The following FAM171B variants were observed in gnomAD, a reference collection of about 807,000 sequenced individuals.
FAM171B encodes protein FAM171B.
FAM171B carries 19 observed loss-of-function variants against 75.6 expected under a neutral mutation model. That is an observed-to-expected ratio of 0.25 (90% CI 0.18 to 0.37). The LOEUF is 0.37. Among genes scored for constraint, FAM171B ranks in the 10% least tolerant of loss-of-function variants. The probability of loss-of-function intolerance (pLI) is 1.00; values close to 1 mark genes in which losing one functional copy is unlikely to be tolerated. For synonymous variants in FAM171B, 367 were observed against 361.7 expected (o/e 1.01, Z -0.17); for missense variants, 848 against 982.4 (o/e 0.86, Z 1.83).
intron 1 of FAM171B, among the ~76,000 whole-genome samples, chr2:186,725,760 CATGAAGT>C (rs1161844757): frequency 8.5e-5 from 13 of 152,198 alleles, no homozygotes; most frequent in African/African-American, 3.1e-4. Context: ...AGTGCCATCA[CATGAAGT>C]ATCCTTAATA....
chr2:186,719,158 T>G (rs1689915585), intron 1 of FAM171B, among the ~76,000 whole-genome samples: 1 of 152,220 alleles, frequency 6.6e-6, no homozygotes, highest in Non-Finnish European at 1.5e-5. Context: ...CATCTAATTC[T>G]GTTTAAATCT....
chr2:186,695,315 A>G (rs915435372), intron 1 of FAM171B: 1 of 152,062 alleles, frequency 6.6e-6, no homozygotes, highest in Non-Finnish European at 1.5e-5. Flanking sequence ...ATCCATGTAT[A>G]TTGCATCTCC....
At chr2:186,753,639 A>C (rs2105790781) in intron 5 of FAM171B, among the ~76,000 whole-genome samples, 1 of 152,160 alleles carries the variant, frequency 6.6e-6, no homozygotes, top group East Asian at 1.9e-4. Context: ...GGTCTTGAAC[A>C]CCTGATCTTG....
At chr2:186,737,342 A>C (rs1046750932) in intron 1 of FAM171B, among the ~76,000 whole-genome samples, 1 of 152,166 alleles carries the variant, frequency 6.6e-6, no homozygotes, top group Non-Finnish European at 1.5e-5. Context: ...TTTCCTCAAC[A>C]TATGTTAGTT....
At chr2:186,755,347 G>C (rs1690517726) in intron 6 of FAM171B, among the ~76,000 whole-genome samples, 1 of 152,038 alleles carries the variant, frequency 6.6e-6, no homozygotes, top group Admixed American at 6.6e-5. Flanking sequence ...TGTTTTTACA[G>C]AATAAAAACA....
At chr2:186,744,470 G>A (rs1235670334) in intron 3 of FAM171B, among the ~76,000 whole-genome samples, 3 of 152,164 alleles carry the variant, frequency 2.0e-5, no homozygotes, top group Admixed American at 6.5e-5. Context: ...ACTGAGTGAG[G>A]CTGTAGAATC....
In FAM171B at chr2:186,751,322, A is replaced by C; in HGVS notation, c.895+18A>C. On this transcript the variant is annotated intron_variant, in intron 5 of 7. Transcript: ENST00000304698. ...GAACACAGGTATGTGAGCTAGGTTAAAATAGTCTGAATATTTTACATATTT... is the reference window on the plus strand; with the variant it reads ...GAACACAGGTATGTGAGCTAGGTTACAATAGTCTGAATATTTTACATATTT... 6.6e-7 allele frequency: 1 copy of C among 1,507,468 alleles called. No homozygotes were observed. 93.4% of individuals were successfully genotyped at this position (1,507,468 alleles called of 1,614,324 possible).
chr2:186,720,700 C>CAAAAAAAAAAAAAAA (rs71411184), intron 1 of FAM171B, among the ~76,000 whole-genome samples: 1 of 110,242 alleles, frequency 9.1e-6, no homozygotes, highest in Non-Finnish European at 1.8e-5. Context: ...AGATCATGTA[C>CAAAAAAAAAAAAAAA]AAAAAAAAAA....
chr2:186,740,472 A>C lies in FAM171B; in HGVS notation c.472+11A>C. 1 of 1,592,390 alleles carries C rather than the reference A, an allele frequency of 6.3e-7. No homozygotes were observed. Among genetic ancestry groups the C allele is most frequent in the South Asian group, 1.1e-5 (1 of 88,050 alleles). ...CCAGAAGAATGCCAAGTAAGCACTT[A>C]AACAGTTTTTTTTTGTTTGTTTTTG... is the stretch of plus-strand genomic sequence containing the variant. On this transcript the variant is annotated intron_variant, in intron 2 of 7. Transcript: ENST00000304698.
At chr2:186,747,917 G>C (rs948382527) in intron 4 of FAM171B, among the ~76,000 whole-genome samples, 2 of 151,848 alleles carry the variant, frequency 1.3e-5, no homozygotes, top group Non-Finnish European at 2.9e-5. Context: ...ATCCACACTT[G>C]TTCCACCATT....
At chr2:186,758,420 C>A (rs925419969) in intron 6 of FAM171B, among the ~76,000 whole-genome samples, 2 of 151,970 alleles carry the variant, frequency 1.3e-5, no homozygotes, top group African/African-American at 4.8e-5. Flanking sequence ...ACTGGTGGTC[C>A]CTCAATTTCT....
At chr2:186,725,409 T>C (rs1487949191) in intron 1 of FAM171B, among the ~76,000 whole-genome samples, 1 of 151,926 alleles carries the variant, frequency 6.6e-6, no homozygotes, top group Non-Finnish European at 1.5e-5. Context: ...AACATGACCC[T>C]GATCTTAGGT....
chr2:186,749,613 G>C (rs1690420714), intron 4 of FAM171B, among the ~76,000 whole-genome samples: 1 of 152,128 alleles, frequency 6.6e-6, no homozygotes. Flanking sequence ...TGGCCTGTTT[G>C]ACGGCTGAAG....
At chr2:186,754,109 T>G in intron 6 of FAM171B, 60 bp downstream of exon 6, 1 of 1,286,328 alleles carries the variant, frequency 7.8e-7, no homozygotes, top group South Asian at 1.4e-5. Context: ...CTGGAACGGA[T>G]AGCAGCAGAC....
chr2:186,732,895 T>A (rs1308779859), intron 1 of FAM171B, among the ~76,000 whole-genome samples: 1 of 152,210 alleles, frequency 6.6e-6, no homozygotes, highest in Non-Finnish European at 1.5e-5. Flanking sequence ...ACTCCTGAGA[T>A]CTCATCAGGA....
At position 186,732,615 on chromosome 2, in the gene FAM171B, C is replaced by T. The variant is rs547858265; in HGVS notation, c.239-7613C>T. 6.6e-5 allele frequency among the ~76,000 whole-genome samples: 10 copies of T among 152,286 alleles called. No homozygotes were observed. In the South Asian group the frequency reaches 1.4e-3, roughly 22 times the overall value. On this transcript the variant is annotated intron_variant, in intron 1 of 7. Transcript: ENST00000304698. ...GCAGGCAACTTGAGATTCAAATGCA[C>T]GGTTTGATTTTTGACTTGGGGTCTT...
intron 6 of FAM171B, among the ~76,000 whole-genome samples, chr2:186,759,515 G>A (rs916792788): frequency 3.9e-5 from 6 of 152,090 alleles, no homozygotes; most frequent in Non-Finnish European, 8.8e-5. Context: ...ATTATTGACT[G>A]TCTTTTGGAT....
chr2:186,734,829 G>T (rs952175627), intron 1 of FAM171B, among the ~76,000 whole-genome samples: 2 of 152,240 alleles, frequency 1.3e-5, no homozygotes. Context: ...CTAGGCGACA[G>T]GGGGCTGGCC....
intron 1 of FAM171B, among the ~76,000 whole-genome samples, chr2:186,725,044 T>C (rs1690009831): frequency 6.6e-6 from 1 of 152,208 alleles, no homozygotes; most frequent in African/African-American, 2.4e-5. Flanking sequence ...CCTCAGTTTT[T>C]AAGAATTTTT....
Sources: allele counts gnomAD v4.1 joint callset (sites outside exome capture counted in the v4.1 genomes callset), GRCh38; gene constraint gnomAD v4.1.1; transcripts MANE v1.5; gene names NCBI Gene and HGNC (gene_info 2026-07-23, HGNC 2026-07-21).